The following CLMP variants were observed in gnomAD, a reference collection of about 807,000 sequenced individuals.
CLMP encodes the protein CXADR like cell adhesion molecule, also known as CXADR-like membrane protein.
Under a neutral mutation model 45.2 loss-of-function variants are expected in CLMP, and 27 were observed. That is an observed-to-expected ratio of 0.60 (90% CI 0.44 to 0.82). CLMP has a LOEUF of 0.82. Among genes scored for constraint, CLMP ranks in the 40% least tolerant of loss-of-function variants. CLMP has a pLI of 0.00. For synonymous variants in CLMP, 167 were observed against 171.4 expected (o/e 0.97, Z 0.20); for missense variants, 403 against 448.4 (o/e 0.90, Z 0.91).
In CLMP at chr11:123,070,306, A is replaced by T. The variant is rs988923736; in HGVS notation, c.*3168T>A. 1.3e-5 allele frequency: 2 copies of T among 152,194 alleles called. No homozygotes were observed. The highest frequency in any genetic ancestry group is 4.8e-5 in the African/African-American group (2 of 41,456). 9.4% of individuals were successfully genotyped at this position (152,194 alleles called of 1,614,324 possible). ...TGGTTTGGAACCAGTAGGGCCTCTA[A>T]CTTAAGCCCAGAACCTGTCAAAGAG... On this transcript the variant is annotated 3_prime_UTR_variant, in exon 7 of 7. Transcript: ENST00000448775.
At chr11:123,129,597 TATATAATATATATTATATTTATATA>T (rs1343047753) in intron 1 of CLMP, among the ~76,000 whole-genome samples, 3 of 141,160 alleles carry the variant, frequency 2.1e-5, no homozygotes, top group African/African-American at 5.2e-5. Flanking sequence ...AATTATATAG[TATATAATATATATTATATTTATATA>T]ATATAATATA....
At chr11:123,115,513 A>G (rs1009807964) in intron 1 of CLMP, among the ~76,000 whole-genome samples, 1 of 152,146 alleles carries the variant, frequency 6.6e-6, no homozygotes, top group African/African-American at 2.4e-5. Flanking sequence ...TGTAATGCTG[A>G]TCAGAAACAA....
In CLMP at chr11:123,137,160, T is replaced by C. The variant is rs1474186595; in HGVS notation, c.29-39208A>G. ...TTTTTTCTTTTTCTTTTTTTTTTTT[T>C]TTTTTTTTTTTGAGATGGAGTCTCG... On this transcript the variant is annotated intron_variant, in intron 1 of 6. Coordinates refer to ENST00000448775, the MANE Select transcript of CLMP (RefSeq NM_024769.5). 6.6e-5 allele frequency among the ~76,000 whole-genome samples: 9 copies of C among 136,202 alleles called. No homozygotes were observed. The East Asian group carries it at 1.3e-3, about 19-fold the overall frequency. The allele number at this position is 136,202 out of a possible 152,430, so 89.4% of individuals were successfully genotyped here. A position where few individuals can be genotyped will look rare whatever the true frequency, so the allele number is the denominator to read the frequency against.
chr11:123,138,383 T>C (rs1040807076), intron 1 of CLMP, among the ~76,000 whole-genome samples: 1 of 152,282 alleles, frequency 6.6e-6, no homozygotes, highest in Middle Eastern at 3.4e-3. Flanking sequence ...CTGGTGCTTA[T>C]GTGTATGTGT....
In CLMP at chr11:123,115,044, C is replaced by CA. The variant is rs544127001; in HGVS notation, c.29-17093dup. On this transcript the variant is annotated intron_variant, in intron 1 of 6. Coordinates refer to ENST00000448775, the MANE Select transcript of CLMP (RefSeq NM_024769.5). Reference sequence around the variant, plus strand: ...CATGTTTTCTACTCTTGGTCATCTACAAAAAAGTATATATTGAGACAGGGT... The same window carrying CA: ...CATGTTTTCTACTCTTGGTCATCTACAAAAAAAGTATATATTGAGACAGGGT... Among the ~76,000 whole-genome samples, 317 of 152,096 alleles carry CA rather than the reference C, an allele frequency of 2.1e-3. 1 individual carries two copies. The highest frequency in any genetic ancestry group is 7.1e-3 in the African/African-American group (294 of 41,546).
At chr11:123,162,796 G>A (rs1455005258) in intron 1 of CLMP, among the ~76,000 whole-genome samples, 1 of 151,974 alleles carries the variant, frequency 6.6e-6, no homozygotes, top group South Asian at 2.1e-4. Context: ...CAGCTGCTTG[G>A]GGGGCTGAGG....
intron 1 of CLMP, among the ~76,000 whole-genome samples, chr11:123,181,216 C>T (rs538950009): frequency 6.6e-6 from 1 of 152,214 alleles, no homozygotes; most frequent in Non-Finnish European, 1.5e-5. Flanking sequence ...CACTTCCCAA[C>T]ACCGCCACAC....
intron 1 of CLMP, among the ~76,000 whole-genome samples, chr11:123,140,507 G>C (rs111885299): frequency 2.3e-4 from 34 of 148,654 alleles, no homozygotes; most frequent in African/African-American, 8.6e-4. Context: ...ATGACAATGT[G>C]GGGGGGTGTC....
intron 1 of CLMP, among the ~76,000 whole-genome samples, chr11:123,191,878 G>A (rs543928232): frequency 1.2e-4 from 18 of 152,166 alleles, no homozygotes; most frequent in Non-Finnish European, 2.1e-4. Context: ...CCATTCTAAT[G>A]GGGTGTTAGA....
intron 1 of CLMP, among the ~76,000 whole-genome samples, chr11:123,164,749 C>T (rs1861535810): frequency 6.6e-6 from 1 of 152,128 alleles, no homozygotes; most frequent in Non-Finnish European, 1.5e-5. Context: ...GCTTATCCAT[C>T]TTCCTGTTCC....
At chr11:123,099,388 T>C (rs1414358112) in intron 1 of CLMP, among the ~76,000 whole-genome samples, 4 of 152,224 alleles carry the variant, frequency 2.6e-5, no homozygotes, top group Non-Finnish European at 5.9e-5. Flanking sequence ...AGGGAAATTA[T>C]TTATGATCAA....
chr11:123,171,017 A>G (rs1286682470), intron 1 of CLMP, among the ~76,000 whole-genome samples: 1 of 152,236 alleles, frequency 6.6e-6, no homozygotes, highest in East Asian at 1.9e-4. Context: ...TGTTAAAACC[A>G]GGGTATGAGC....
At chr11:123,127,844 C>T (rs1001338291) in intron 1 of CLMP, among the ~76,000 whole-genome samples, 2 of 152,036 alleles carry the variant, frequency 1.3e-5, no homozygotes, top group South Asian at 2.1e-4. Flanking sequence ...CGACACCAGC[C>T]TGGCCAACAT....
chr11:123,170,661 G>A (rs943287140), intron 1 of CLMP, among the ~76,000 whole-genome samples: 21 of 152,054 alleles, frequency 1.4e-4, no homozygotes, highest in African/African-American at 5.1e-4. Flanking sequence ...AGCTGGTCTC[G>A]AACTACTGAG....
intron 1 of CLMP, among the ~76,000 whole-genome samples, chr11:123,180,402 C>T (rs1276088163): frequency 6.6e-6 from 1 of 152,112 alleles, no homozygotes; most frequent in African/African-American, 2.4e-5. Flanking sequence ...CCCCAGAGAG[C>T]TCCCTTACCC....
chr11:123,184,467 T>A (rs1400472850), intron 1 of CLMP, among the ~76,000 whole-genome samples: 1 of 152,224 alleles, frequency 6.6e-6, no homozygotes, highest in African/African-American at 2.4e-5. Context: ...CTGCTCATGC[T>A]GCCTCAGTGA....
chr11:123,177,609 C>T (rs541548694), intron 1 of CLMP, among the ~76,000 whole-genome samples: 2 of 152,180 alleles, frequency 1.3e-5, no homozygotes, highest in East Asian at 3.9e-4. Context: ...TATGGGAATC[C>T]AGAAGCAAAG....
chr11:123,176,673 C>T (rs949906970), intron 1 of CLMP, among the ~76,000 whole-genome samples: 1 of 152,176 alleles, frequency 6.6e-6, no homozygotes, highest in East Asian at 1.9e-4. Context: ...AGCAGCCTTA[C>T]CAGTGACAAT....
chr11:123,189,763 A>T (rs1448561396), intron 1 of CLMP, among the ~76,000 whole-genome samples: 2 of 152,078 alleles, frequency 1.3e-5, no homozygotes, highest in Non-Finnish European at 2.9e-5. Flanking sequence ...ATCCCAGCCC[A>T]TTGGGAGGCC....
Sources: allele counts gnomAD v4.1 joint callset (sites outside exome capture counted in the v4.1 genomes callset), GRCh38; gene constraint gnomAD v4.1.1; transcripts MANE v1.5; gene names NCBI Gene and HGNC (gene_info 2026-07-23, HGNC 2026-07-21).